NCOA1: variants seen among roughly 807,000 people sequenced by gnomAD.
NCOA1 encodes the protein nuclear receptor coactivator 1.
A neutral mutation model predicts 150.9 loss-of-function variants in NCOA1; 35 were observed. That is an observed-to-expected ratio of 0.23 (90% CI 0.18 to 0.31). NCOA1 has a LOEUF of 0.31. Ranked by LOEUF, NCOA1 falls within the 10% of genes least tolerant of loss-of-function variation. The pLI, the probability that NCOA1 is intolerant of heterozygous loss-of-function variation, is 1.00. For synonymous variants in NCOA1, 590 were observed against 630.0 expected (o/e 0.94, Z 0.95); for missense variants, 1,491 against 1,749.3 (o/e 0.85, Z 2.63).
At chr2:24,526,574 AG>A (rs1664662604) in intron 1 of NCOA1, among the ~76,000 whole-genome samples, 1 of 152,160 alleles carries the variant, frequency 6.6e-6, no homozygotes, top group South Asian at 2.1e-4. Context: ...GAAATAATCT[AG>A]GGGAAAGACT....
intron 1 of NCOA1, among the ~76,000 whole-genome samples, chr2:24,552,644 C>T (rs550415017): frequency 7.2e-5 from 11 of 151,924 alleles, no homozygotes; most frequent in Admixed American, 4.6e-4. Flanking sequence ...GGATTAAAGG[C>T]GTGACCCACC....
chr2:24,757,377 G>A (rs1056189889), intron 20 of NCOA1, among the ~76,000 whole-genome samples: 4 of 152,036 alleles, frequency 2.6e-5, no homozygotes, highest in East Asian at 1.9e-4. Context: ...TGACAGCACC[G>A]AATAATAATC....
chr2:24,640,327 A>T (rs13034651), intron 3 of NCOA1, among the ~76,000 whole-genome samples: 62,883 of 152,012 alleles, frequency 0.41, 15,614 homozygotes, highest in Admixed American at 0.59. Flanking sequence ...GTGTTCATTT[A>T]GGACAAGCTA....
intron 8 of NCOA1, among the ~76,000 whole-genome samples, chr2:24,686,043 C>G (rs953376116): frequency 6.6e-5 from 10 of 152,104 alleles, no homozygotes; most frequent in African/African-American, 2.2e-4. Flanking sequence ...CTCTTGTCAC[C>G]CAGGCTGGAG....
chr2:24,494,405 T>C lies in NCOA1; in HGVS notation c.-396+2803T>C, dbSNP rs149611937. ...TCCCAAGGACTCCACATTGTTTGAA[T>C]GTTATGTTGCATATCTTATGGAGTT... On this transcript the variant is annotated intron_variant, in intron 1 of 22. Coordinates refer to ENST00000348332, the MANE Select transcript of NCOA1 (RefSeq NM_003743.5). 1.9e-3 allele frequency among the ~76,000 whole-genome samples: 288 copies of C among 152,320 alleles called. 1 individual carries two copies. The highest frequency in any genetic ancestry group is 5.5e-3 in the African/African-American group (230 of 41,566).
intron 3 of NCOA1, among the ~76,000 whole-genome samples, chr2:24,609,654 T>G (rs1327526238): frequency 6.6e-6 from 1 of 152,102 alleles, no homozygotes; most frequent in African/African-American, 2.4e-5. Flanking sequence ...AAGGACCAAC[T>G]TTTGGTTTAA....
At chr2:24,605,142 C>G (rs746957338) in intron 3 of NCOA1, among the ~76,000 whole-genome samples, 31 of 152,074 alleles carry the variant, frequency 2.0e-4, no homozygotes, top group Admixed American at 7.2e-4. Flanking sequence ...TCACTGATTA[C>G]AGATCACCAT....
At chr2:24,747,257 C>G (rs184270070) in intron 19 of NCOA1, among the ~76,000 whole-genome samples, 2 of 151,594 alleles carry the variant, frequency 1.3e-5, no homozygotes, top group Non-Finnish European at 2.9e-5. Context: ...TTACTGTTGA[C>G]CCCACAAAGT....
chr2:24,637,896 A>G (rs1670011449), intron 3 of NCOA1, among the ~76,000 whole-genome samples: 1 of 151,302 alleles, frequency 6.6e-6, no homozygotes, highest in Non-Finnish European at 1.5e-5. Flanking sequence ...GGGTTTCTCC[A>G]TGTTGGTCAG....
chr2:24,538,126 A>G (rs906221460), intron 1 of NCOA1, among the ~76,000 whole-genome samples: 1 of 152,184 alleles, frequency 6.6e-6, no homozygotes, highest in African/African-American at 2.4e-5. Flanking sequence ...GACTATATCT[A>G]TTAAAATAGC....
intron 1 of NCOA1, among the ~76,000 whole-genome samples, chr2:24,559,198 G>C (rs1418359090): frequency 2.0e-5 from 3 of 152,136 alleles, no homozygotes; most frequent in African/African-American, 7.2e-5. Context: ...AGACTAAGGT[G>C]ATCCTCTTTT....
intron 3 of NCOA1, among the ~76,000 whole-genome samples, chr2:24,613,150 G>A (rs886746296): frequency 2.0e-5 from 3 of 151,936 alleles, no homozygotes; most frequent in Admixed American, 1.3e-4. Flanking sequence ...ATGCTGGGTA[G>A]CATCTTTTGG....
intron 2 of NCOA1, among the ~76,000 whole-genome samples, chr2:24,579,088 A>T (rs1402541284): frequency 6.6e-6 from 1 of 152,182 alleles, no homozygotes; most frequent in Admixed American, 6.5e-5. Context: ...TGTTGAGTTA[A>T]AAAAGAATTT....
At position 24,752,130 on chromosome 2, in the gene NCOA1, G is replaced by T; in HGVS notation, c.3855G>T (p.Trp1285Cys). The change falls in exon 20 of 23, where the codon TGG (tryptophan) becomes TGT (cysteine). Residue 1285 changes from tryptophan to cysteine, a missense_variant. By Grantham distance (215) the Trp-to-Cys change is radical. This residue lies in a region of NCOA1 where 485 missense variants were observed against 522.8 expected (regional missense o/e 0.93). Transcript: ENST00000348332. ...ATCAGTCACCAGACATGAAGGCCTG[G>T]CAGCAAGGAGCGATAGGAAACAACA... is the stretch of plus-strand genomic sequence containing the variant. ...SGYQSPDMKA[W>C]QQGAIGNNNV... 2 of 1,614,046 alleles carry T rather than the reference G, an allele frequency of 1.2e-6. No individual in the cohort carries two copies. Among genetic ancestry groups the T allele is most frequent in the Non-Finnish European group, 1.7e-6 (2 of 1,179,968 alleles).
At chr2:24,629,543 G>A (rs1572513213) in intron 3 of NCOA1, among the ~76,000 whole-genome samples, 1 of 138,666 alleles carries the variant, frequency 7.2e-6, no homozygotes, top group Non-Finnish European at 1.5e-5. Context: ...TATCTTCCTA[G>A]AAACAATGAG....
rs1664534324 is a variant in NCOA1 at position 24,523,805 on chromosome 2, A to C, written c.-396+32203A>C. Among the ~76,000 whole-genome samples, 3 of 150,272 alleles carry C rather than the reference A, an allele frequency of 2.0e-5. No individual in the cohort carries two copies. In the South Asian group the frequency reaches 6.3e-4, roughly 32 times the overall value. On this transcript the variant is annotated intron_variant, in intron 1 of 22. Coordinates refer to ENST00000348332, the MANE Select transcript of NCOA1 (RefSeq NM_003743.5). The stretch of plus-strand genomic sequence containing the variant: ...GCTGGGCGTGGTGGCGCGTGCCTGT[A>C]GTCCCAGCTGCTTGGGAGGCTGAGG...
intron 3 of NCOA1, among the ~76,000 whole-genome samples, chr2:24,629,083 G>A (rs1055271185): frequency 1.3e-5 from 2 of 152,028 alleles, no homozygotes; most frequent in Non-Finnish European, 1.5e-5. Context: ...GGGTATAAAG[G>A]TACCTTTTTA....
At chr2:24,756,551 G>C (rs1465477048) in intron 20 of NCOA1, among the ~76,000 whole-genome samples, 1 of 152,090 alleles carries the variant, frequency 6.6e-6, no homozygotes, top group Non-Finnish European at 1.5e-5. Flanking sequence ...TTAACACTAA[G>C]AGCTAGCGAG....
chr2:24,660,453 ATG>A (rs1453600159), intron 5 of NCOA1, among the ~76,000 whole-genome samples: 1 of 152,072 alleles, frequency 6.6e-6, no homozygotes, highest in Non-Finnish European at 1.5e-5. Flanking sequence ...TTTAATAATT[ATG>A]TGTGTATTTT....
Sources: allele counts gnomAD v4.1 joint callset (sites outside exome capture counted in the v4.1 genomes callset), GRCh38; gene constraint gnomAD v4.1.1; regional missense constraint gnomAD v4.1.1; transcripts MANE v1.5; gene names NCBI Gene and HGNC (gene_info 2026-07-23, HGNC 2026-07-21).